Variants in TMEM117 observed in about 807,000 individuals in gnomAD.
The protein encoded by TMEM117 is transmembrane protein 117.
A neutral mutation model predicts 52.4 loss-of-function variants in TMEM117; 27 were observed. The ratio of observed to expected loss-of-function variants is 0.51; its 90% CI spans 0.38 to 0.71. The LOEUF (loss-of-function observed/expected upper bound fraction) is 0.71. Among genes scored for constraint, TMEM117 ranks in the 30% least tolerant of loss-of-function variants. The pLI is 0.00. For missense variants in TMEM117, 556 were observed against 630.5 expected, an observed-to-expected ratio of 0.88 and a Z score of 1.26; for synonymous variants, 215 against 206.3, an observed-to-expected ratio of 1.04 and a Z score of -0.36.
rs1013517161 is a variant in TMEM117, at chr12:43,929,769, C to T, written c.278-14441C>T. Among the ~76,000 whole-genome samples the T allele has an allele frequency of 3.9e-5, 6 of 151,992 alleles. No individual in the cohort carries two copies. The East Asian group carries it at 1.2e-3, about 29-fold the overall frequency. Reference sequence around the variant, plus strand: ...CATATTTAACAGCTATTAAATCTATCCATTGGTTATTTCTTTGGTAAAATT... The same window carrying T: ...CATATTTAACAGCTATTAAATCTATTCATTGGTTATTTCTTTGGTAAAATT... On this transcript the variant is annotated intron_variant, in intron 2 of 7. Transcript: ENST00000266534.
chr12:43,891,492 C>T (rs1422496459), intron 2 of TMEM117, among the ~76,000 whole-genome samples: 2 of 148,676 alleles, frequency 1.3e-5, no homozygotes, highest in African/African-American at 4.9e-5. Context: ...CCTGCCTCAG[C>T]CTCCCCAGTA....
intron 3 of TMEM117, among the ~76,000 whole-genome samples, chr12:44,026,041 C>A (rs1274360729): frequency 6.6e-6 from 1 of 152,150 alleles, no homozygotes; most frequent in Non-Finnish European, 1.5e-5. Context: ...ATCTTTTCTA[C>A]CCTCTGCACT....
At chr12:44,078,259 A>G (rs1382984948) in intron 3 of TMEM117, among the ~76,000 whole-genome samples, 1 of 152,234 alleles carries the variant, frequency 6.6e-6, no homozygotes, top group Non-Finnish European at 1.5e-5. Flanking sequence ...TATGCCAACG[A>G]CAGAAATATT....
At chr12:44,325,758 A>G (rs1951186667) in intron 6 of TMEM117, among the ~76,000 whole-genome samples, 2 of 152,120 alleles carry the variant, frequency 1.3e-5, no homozygotes, top group Non-Finnish European at 2.9e-5. Flanking sequence ...GTGTGTGTTT[A>G]TGTCTGTATG....
At chr12:44,269,880 C>T (rs1276190938) in intron 5 of TMEM117, among the ~76,000 whole-genome samples, 3 of 151,976 alleles carry the variant, frequency 2.0e-5, no homozygotes, top group Non-Finnish European at 4.4e-5. Context: ...CAGATATCAT[C>T]TCTGGATAAA....
chr12:43,954,297 AAGCTC>A (rs1300860050), intron 3 of TMEM117, among the ~76,000 whole-genome samples: 1 of 152,192 alleles, frequency 6.6e-6, no homozygotes, highest in Non-Finnish European at 1.5e-5. Flanking sequence ...GGAAATAAAC[AAGCTC>A]AGAGTGGAAC....
rs570276820 is a variant in TMEM117 at position 44,352,865 on chromosome 12, C to T, written c.769-23730C>T. On this transcript the variant is annotated intron_variant, in intron 6 of 7. Coordinates refer to ENST00000266534, the MANE Select transcript of TMEM117 (RefSeq NM_032256.3). Reference sequence around the variant, plus strand: ...TTCTAATTCTAGATCCCTGAGGAATCGCCACACTGTCTTCCACAATGGTTG... The same window carrying T: ...TTCTAATTCTAGATCCCTGAGGAATTGCCACACTGTCTTCCACAATGGTTG... Among the ~76,000 whole-genome samples the T allele has an allele frequency of 2.2e-4, 33 of 152,194 alleles. No homozygotes were observed. In the South Asian group the frequency reaches 5.0e-3, roughly 23 times the overall value.
intron 6 of TMEM117, among the ~76,000 whole-genome samples, chr12:44,334,277 G>C (rs1164907963): frequency 6.6e-6 from 1 of 151,990 alleles, no homozygotes. Context: ...ATTCAATGTA[G>C]GGCTTTTTAT....
chr12:44,234,715 A>G (rs1398744149), intron 5 of TMEM117, among the ~76,000 whole-genome samples: 3 of 151,332 alleles, frequency 2.0e-5, no homozygotes. Context: ...TCATATATGC[A>G]TTTCAGTATC....
At chr12:44,006,644 A>T (rs540559951) in intron 3 of TMEM117, among the ~76,000 whole-genome samples, 2 of 152,326 alleles carry the variant, frequency 1.3e-5, no homozygotes, top group East Asian at 3.9e-4. Context: ...CAAGCATATG[A>T]TATCTGAAGA....
rs577182983 is a variant in TMEM117, at chr12:44,091,286, C to T, written c.411-52239C>T. Among the ~76,000 whole-genome samples, 14 of 152,238 alleles carry T rather than the reference C, an allele frequency of 9.2e-5. 1 individual carries two copies. The South Asian group carries it at 2.5e-3, about 27-fold the overall frequency. On this transcript the variant is annotated intron_variant, in intron 3 of 7. Transcript: ENST00000266534. ...CCTCCCCTGGGTCCCTCCCACAACA[C>T]GTGGGAATTCTGGGAGCTACAATTC...
intron 6 of TMEM117, among the ~76,000 whole-genome samples, chr12:44,323,431 G>T (rs1218781389): frequency 6.6e-6 from 1 of 151,972 alleles, no homozygotes; most frequent in Non-Finnish European, 1.5e-5. Context: ...ATTATTATTA[G>T]TTAGATGGAT....
At chr12:43,971,703 A>T (rs917093352) in intron 3 of TMEM117, among the ~76,000 whole-genome samples, 1 of 152,208 alleles carries the variant, frequency 6.6e-6, no homozygotes, top group African/African-American at 2.4e-5. Flanking sequence ...GTAGCACACC[A>T]TGTCCCTCCC....
At chr12:44,182,957 A>G (rs756971170) in intron 4 of TMEM117, among the ~76,000 whole-genome samples, 8 of 152,066 alleles carry the variant, frequency 5.3e-5, no homozygotes, top group Non-Finnish European at 7.4e-5. Context: ...CCTTTACTTG[A>G]TTTTTTCATA....
In TMEM117 at chr12:44,161,028, A is replaced by C. The variant is rs181347762; in HGVS notation, c.510+17404A>C. On this transcript the variant is annotated intron_variant, in intron 4 of 7. Transcript: ENST00000266534. ...GAGGAAGTAGAGGCATTTTGAGTCA[A>C]GGTTACACAGCCACTAATTGGCTAT... 9.5e-4 allele frequency among the ~76,000 whole-genome samples: 144 copies of C among 152,294 alleles called. No individual in the cohort carries two copies. In the East Asian group the frequency reaches 0.016, roughly 17 times the overall value.
the TMEM117 span, among the ~76,000 whole-genome samples, chr12:43,818,443 TG>T: frequency 4.0e-5 from 6 of 151,618 alleles, no homozygotes; most frequent in African/African-American, 1.5e-4. Flanking sequence ...GTTTTTTTTT[TG>T]TTTTTATTTT....
intron 6 of TMEM117, among the ~76,000 whole-genome samples, chr12:44,344,583 A>C (rs1258990776): frequency 2.6e-5 from 4 of 152,006 alleles, no homozygotes; most frequent in African/African-American, 9.7e-5. Context: ...TAAAGAAAGG[A>C]CCTGGGGTTG....
intron 2 of TMEM117, among the ~76,000 whole-genome samples, chr12:43,887,089 C>T (rs1041222237): frequency 2.6e-5 from 4 of 152,084 alleles, no homozygotes; most frequent in African/African-American, 9.7e-5. Flanking sequence ...CCTCAAGTGA[C>T]CCGCCCTCCT....
At chr12:44,381,200 T>C (rs1282864208) in intron 7 of TMEM117, among the ~76,000 whole-genome samples, 4 of 152,192 alleles carry the variant, frequency 2.6e-5, no homozygotes, top group Non-Finnish European at 4.4e-5. Context: ...TATTTTTTCT[T>C]AGAATATGGG....
Sources: gnomAD v4.1 joint callset for allele counts (sites outside exome capture counted in the v4.1 genomes callset) on GRCh38, gnomAD v4.1.1 for gene constraint, MANE v1.5 for transcripts, NCBI Gene and HGNC (gene_info 2026-07-23, HGNC 2026-07-21) for gene names.